Variants in NUP153 observed in about 807,000 individuals in gnomAD.
The protein encoded by NUP153 is nuclear pore complex protein Nup153.
Under a neutral mutation model 134.6 loss-of-function variants are expected in NUP153, and 27 were observed. The observed-to-expected ratio is 0.20, with a 90% CI of 0.15 to 0.28. The LOEUF is 0.28. Among genes scored for constraint, NUP153 ranks in the 10% least tolerant of loss-of-function variants. The probability of loss-of-function intolerance (pLI) is 1.00; values close to 1 mark genes in which losing one functional copy is unlikely to be tolerated. For synonymous variants in NUP153, 640 were observed against 623.5 expected (o/e 1.03, Z -0.40); for missense variants, 1,821 against 1,731.3 (o/e 1.05, Z -0.92).
At chr6:17,652,187 A>T (rs1766534738) in intron 11 of NUP153, among the ~76,000 whole-genome samples, 1 of 152,176 alleles carries the variant, frequency 6.6e-6, no homozygotes, top group Non-Finnish European at 1.5e-5. Flanking sequence ...AATAAGAACA[A>T]AGATCTAATA....
At chr6:17,634,924 A>G (rs1341040477) in intron 16 of NUP153, among the ~76,000 whole-genome samples, 1 of 152,150 alleles carries the variant, frequency 6.6e-6, no homozygotes, top group Non-Finnish European at 1.5e-5. Flanking sequence ...TTGGACCACA[A>G]GTAAAATATA....
At chr6:17,668,871 C>A in intron 8 of NUP153, 104 bp downstream of exon 8, 2 of 706,904 alleles carry the variant, frequency 2.8e-6, no homozygotes, top group Admixed American at 2.9e-5. Flanking sequence ...ATTTTTCAAA[C>A]ATGTTCCCTA....
intron 8 of NUP153, among the ~76,000 whole-genome samples, chr6:17,665,721 T>C (rs1398813696): frequency 6.6e-6 from 1 of 151,728 alleles, no homozygotes; most frequent in Non-Finnish European, 1.5e-5. Flanking sequence ...TTTACAGTTT[T>C]TTGTTTTTTT....
At chr6:17,640,085 A>G in intron 14 of NUP153, 21 bp from the exon 15 acceptor site, 2 of 1,524,658 alleles carry the variant, frequency 1.3e-6, no homozygotes, top group South Asian at 1.3e-5. Context: ...TTTAAATTTA[A>G]TAACATTATG....
At chr6:17,694,423 C>A (rs537329358) in intron 1 of NUP153, among the ~76,000 whole-genome samples, 1 of 152,126 alleles carries the variant, frequency 6.6e-6, no homozygotes, top group East Asian at 1.9e-4. Context: ...CTTCCGGAGG[C>A]CGACGCGGGC....
chr6:17,682,826 G>A (rs534854560), intron 2 of NUP153, among the ~76,000 whole-genome samples: 1 of 151,042 alleles, frequency 6.6e-6, no homozygotes, highest in East Asian at 2.0e-4. Context: ...ACCGAGGCAG[G>A]AGAATTGCTT....
chr6:17,627,656 C>T (rs1765013778), intron 18 of NUP153, among the ~76,000 whole-genome samples: 4 of 152,060 alleles, frequency 2.6e-5, no homozygotes, highest in South Asian at 2.1e-4. Flanking sequence ...CTACGGCACC[C>T]GGATTGTCTT....
At chr6:17,654,283 A>G in intron 11 of NUP153, among the ~76,000 whole-genome samples, 1 of 151,534 alleles carries the variant, frequency 6.6e-6, no homozygotes. Flanking sequence ...TAAGGCACAC[A>G]CTTGTCCACA....
chr6:17,694,233 T>C (rs527450467), intron 1 of NUP153, among the ~76,000 whole-genome samples: 17 of 152,326 alleles, frequency 1.1e-4, no homozygotes, highest in East Asian at 3.9e-4. Flanking sequence ...CAAGTATTGA[T>C]TGAATGAAGA....
chr6:17,699,743 G>A (rs1183883494), intron 1 of NUP153, among the ~76,000 whole-genome samples: 2 of 151,934 alleles, frequency 1.3e-5, no homozygotes, highest in Non-Finnish European at 2.9e-5. Flanking sequence ...GCTGAAGCAG[G>A]AGAATCCCTT....
intron 2 of NUP153, among the ~76,000 whole-genome samples, chr6:17,678,577 A>G (rs1768377387): frequency 6.6e-6 from 1 of 152,102 alleles, no homozygotes; most frequent in South Asian, 2.1e-4. Context: ...TGCTCTCCTC[A>G]GTAAGTATTT....
chr6:17,642,345 A>T (rs1765880232), intron 14 of NUP153, among the ~76,000 whole-genome samples: 1 of 151,602 alleles, frequency 6.6e-6, no homozygotes, highest in South Asian at 2.1e-4. Context: ...TCTAGTGTCC[A>T]GACTAAGAAC....
At chr6:17,693,014 T>C (rs1367553112) in intron 1 of NUP153, among the ~76,000 whole-genome samples, 1 of 152,102 alleles carries the variant, frequency 6.6e-6, no homozygotes, top group Non-Finnish European at 1.5e-5. Context: ...GGTAAACAAA[T>C]CTTACAGACC....
intron 9 of NUP153, among the ~76,000 whole-genome samples, chr6:17,664,120 T>C (rs1767365865): frequency 6.6e-6 from 1 of 151,574 alleles, no homozygotes; most frequent in Non-Finnish European, 1.5e-5. Context: ...TATTCAGCCA[T>C]AAAAAGGGAA....
intron 18 of NUP153, among the ~76,000 whole-genome samples, chr6:17,626,967 G>A (rs1006486774): frequency 6.6e-6 from 1 of 152,152 alleles, no homozygotes; most frequent in African/African-American, 2.4e-5. Context: ...AGTTAGAAAT[G>A]TTAGGAAAAA....
At chr6:17,673,838 T>C (rs1339604717) in intron 5 of NUP153, among the ~76,000 whole-genome samples, 1 of 152,172 alleles carries the variant, frequency 6.6e-6, no homozygotes, top group Non-Finnish European at 1.5e-5. Flanking sequence ...ATATGACCCA[T>C]CAATTCAACT....
intron 5 of NUP153, among the ~76,000 whole-genome samples, chr6:17,670,660 TATCAGGTAGAAGG>T (rs1237711810): frequency 6.6e-6 from 1 of 152,200 alleles, no homozygotes; most frequent in Non-Finnish European, 1.5e-5. Flanking sequence ...AAATGCACTT[TATCAGGTAGAAGG>T]ATCTCAACTA....
chr6:17,660,310 A>C (rs1004387209), intron 11 of NUP153, among the ~76,000 whole-genome samples: 1 of 152,212 alleles, frequency 6.6e-6, no homozygotes, highest in African/African-American at 2.4e-5. Flanking sequence ...GTCACTGGTG[A>C]AATTTTAATT....
Position 17,626,092 on chromosome 6 carries a change from G to C in NUP153, c.3617C>G (p.Ser1206Cys), listed in dbSNP as rs1207619859. The change falls in exon 19 of 22, where the codon TCT becomes TGT. Residue 1206 changes from serine (S) to cysteine (C), a missense_variant. Ser to Cys is a moderately radical substitution (Grantham distance 112). Coordinates refer to ENST00000262077, the MANE Select transcript of NUP153 (RefSeq NM_005124.4). ...SSSSSSTPATSAGGGIFGSST... is the reference protein window; with the variant it reads ...SSSSSSTPATCAGGGIFGSST... ...ACTACCAAATATGCCACCACCAGCAGAAGTGGCTGGTGTACTTGAACTAGA... is the reference window on the plus strand; with the variant it reads ...ACTACCAAATATGCCACCACCAGCACAAGTGGCTGGTGTACTTGAACTAGA... The C allele has an allele frequency of 1.2e-6, 2 of 1,613,870 alleles. No homozygotes were observed. The highest frequency in any genetic ancestry group is 2.2e-5 in the East Asian group (1 of 44,880).
Sources: allele counts gnomAD v4.1 joint callset (sites outside exome capture counted in the v4.1 genomes callset), GRCh38; gene constraint gnomAD v4.1.1; transcripts MANE v1.5; gene names NCBI Gene and HGNC (gene_info 2026-07-23, HGNC 2026-07-21).